The following TMEM131L variants were observed in gnomAD, a reference collection of about 807,000 sequenced individuals.
TMEM131L encodes the protein transmembrane 131 like.
TMEM131L carries 54 observed loss-of-function variants against 192.2 expected under a neutral mutation model. That is an observed-to-expected ratio of 0.28 (90% CI 0.23 to 0.35). The LOEUF (loss-of-function observed/expected upper bound fraction) is 0.35. TMEM131L is among the 10% of genes least tolerant of loss of function. The pLI is 1.00. For synonymous variants in TMEM131L, 701 were observed against 704.9 expected (o/e 0.99, Z 0.09); for missense variants, 1,888 against 1,972.9 (o/e 0.96, Z 0.82).
rs112750223 is a variant in TMEM131L, at chr4:153,587,329, T to TA, written c.1483-404dup. On this transcript the variant is annotated intron_variant, in intron 14 of 34. Coordinates refer to ENST00000409959, the MANE Select transcript of TMEM131L (RefSeq NM_001131007.2). The stretch of plus-strand genomic sequence containing the variant: ...GTTTCCCAGAGGATTAGAGTTCAAT[T>TA]AAAAAAAAACAAAACTTCTGACCAC... Among the ~76,000 whole-genome samples, 187 of 150,894 alleles carry TA rather than the reference T, an allele frequency of 1.2e-3. 3 individuals carry two copies. In the Middle Eastern group the frequency reaches 0.017, roughly 14 times the overall value.
In TMEM131L at chr4:153,634,306, C is replaced by T. The variant is rs548534499; in HGVS notation, c.4417+26C>T. On this transcript the variant is annotated intron_variant, in intron 33 of 34. Coordinates refer to ENST00000409959, the MANE Select transcript of TMEM131L (RefSeq NM_001131007.2). The stretch of plus-strand genomic sequence containing the variant: ...GTAAGGGCTCTTCAGACAATCCCAA[C>T]GCCATTATTTTATTCTTAGAAGGTC... The T allele has an allele frequency of 1.3e-4, 199 of 1,539,528 alleles. 1 individual carries two copies. In the East Asian group the frequency reaches 4.0e-3, roughly 31 times the overall value.
intron 3 of TMEM131L, among the ~76,000 whole-genome samples, chr4:153,490,613 G>A (rs574730730): frequency 5.3e-5 from 8 of 152,208 alleles, no homozygotes; most frequent in Admixed American, 1.3e-4. Context: ...TACTGGAAGG[G>A]CTCATGAAAG....
chr4:153,477,535 A>G (rs1731630321), intron 3 of TMEM131L, among the ~76,000 whole-genome samples: 2 of 152,174 alleles, frequency 1.3e-5, no homozygotes, highest in Admixed American at 1.3e-4. Context: ...ACATAGCATC[A>G]GATTATCAGA....
At chr4:153,504,018 G>C (rs1733791993) in intron 3 of TMEM131L, among the ~76,000 whole-genome samples, 1 of 152,156 alleles carries the variant, frequency 6.6e-6, no homozygotes, top group Middle Eastern at 3.2e-3. Context: ...CCAGGCTGGA[G>C]TGCAGTGGTG....
intron 7 of TMEM131L, chr4:153,558,606 C>G (rs1728640883): frequency 6.5e-6 from 2 of 308,580 alleles, no homozygotes; most frequent in Non-Finnish European, 1.2e-5. Flanking sequence ...CTGTTTTTCA[C>G]TGTTATTACC....
chr4:153,521,221 A>C (rs1735086464), intron 3 of TMEM131L, among the ~76,000 whole-genome samples: 1 of 152,204 alleles, frequency 6.6e-6, no homozygotes, highest in Non-Finnish European at 1.5e-5. Flanking sequence ...ATTCAGCACC[A>C]TCAGGGTGGT....
At chr4:153,547,496 G>A (rs11736782) in intron 3 of TMEM131L, among the ~76,000 whole-genome samples, 4 of 152,062 alleles carry the variant, frequency 2.6e-5, no homozygotes, top group Admixed American at 6.5e-5. Flanking sequence ...TAATATGAGC[G>A]AATATTTATT....
intron 3 of TMEM131L, among the ~76,000 whole-genome samples, chr4:153,479,811 A>C (rs1561115350): frequency 6.6e-6 from 1 of 152,264 alleles, no homozygotes; most frequent in Non-Finnish European, 1.5e-5. Flanking sequence ...ATACAATTGC[A>C]GACAAGAACA....
At chr4:153,549,503 A>T (rs1737446923) in intron 3 of TMEM131L, among the ~76,000 whole-genome samples, 1 of 152,034 alleles carries the variant, frequency 6.6e-6, no homozygotes, top group African/African-American at 2.4e-5. Context: ...ATATGTTTTG[A>T]TATGTTTTTC....
intron 27 of TMEM131L, 27 bp from the exon 28 acceptor site, chr4:153,621,656 T>G: frequency 1.2e-6 from 2 of 1,611,122 alleles, no homozygotes; most frequent in Non-Finnish European, 1.7e-6. Context: ...ACAGATGTGT[T>G]TTTTTGTGTG....
chr4:153,516,735 T>G (rs1467928018), intron 3 of TMEM131L, among the ~76,000 whole-genome samples: 2 of 152,192 alleles, frequency 1.3e-5, no homozygotes, highest in African/African-American at 2.4e-5. Flanking sequence ...AGTTATACCC[T>G]TATGCTAATG....
rs1328035994 is a variant in TMEM131L at position 153,582,420 on chromosome 4, GTTTTTTTTTGTTGTTTTT to G, written c.893-760_893-743del. 3.4e-4 allele frequency among the ~76,000 whole-genome samples: 28 copies of G among 81,834 alleles called. 2 individuals carry two copies. Among genetic ancestry groups the G allele is most frequent in the African/African-American group, 1.5e-3 (27 of 18,260 alleles). 53.7% of individuals were successfully genotyped at this position (81,834 alleles called of 152,430 possible). On this transcript the variant is annotated intron_variant, in intron 9 of 34. Coordinates refer to ENST00000409959, the MANE Select transcript of TMEM131L (RefSeq NM_001131007.2). The stretch of plus-strand genomic sequence containing the variant: ...CCACTATGCCTGGCTAATTTAAACC[GTTTTTTTTTGTTGTTTTT>G]TTTTTTTTTTTTTTTTTTTTTGTAG...
chr4:153,606,014 A>G (rs1455547111), intron 25 of TMEM131L, among the ~76,000 whole-genome samples: 2 of 152,208 alleles, frequency 1.3e-5, no homozygotes, highest in African/African-American at 2.4e-5. Context: ...CAGGGTGGAC[A>G]CTGTGCCCTG....
At chr4:153,531,447 C>T (rs1050380243) in intron 3 of TMEM131L, among the ~76,000 whole-genome samples, 4 of 152,170 alleles carry the variant, frequency 2.6e-5, no homozygotes, top group Non-Finnish European at 4.4e-5. Flanking sequence ...GGGATTAATC[C>T]TGTAAATACT....
chr4:153,603,897 A>G lies in TMEM131L; in HGVS notation c.2885A>G (p.Gln962Arg). 6.2e-7 allele frequency: 1 copy of G among 1,614,188 alleles called. No homozygotes were observed. Among genetic ancestry groups the G allele is most frequent in the Non-Finnish European group, 8.5e-7 (1 of 1,180,012 alleles). ...LPVNTPQSRI[Q>R]NAAKRSPATY... ...GTGAACACTCCCCAAAGCAGGATCC[A>G]GAATGCTGCAAAGAGGAGCCCAGCC... Residue 962 changes from glutamine to arginine, a missense_variant, in exon 25 of 35, where the codon CAG (glutamine) becomes CGG (arginine). By Grantham distance (43) the Gln-to-Arg change is conservative (BLOSUM62 1). Transcript: ENST00000409959.
intron 3 of TMEM131L, among the ~76,000 whole-genome samples, chr4:153,488,354 C>T (rs1477070735): frequency 1.3e-5 from 2 of 152,216 alleles, no homozygotes; most frequent in African/African-American, 4.8e-5. Context: ...ACTGCCCACC[C>T]CAAGGGGACT....
intron 3 of TMEM131L, among the ~76,000 whole-genome samples, chr4:153,534,314 A>T (rs1736143488): frequency 6.6e-6 from 1 of 152,258 alleles, no homozygotes; most frequent in Non-Finnish European, 1.5e-5. Context: ...AAGTGGAAAC[A>T]ACCGGTCAAG....
intron 3 of TMEM131L, among the ~76,000 whole-genome samples, chr4:153,526,148 C>T (rs1471786925): frequency 1.3e-5 from 2 of 152,140 alleles, no homozygotes; most frequent in Non-Finnish European, 2.9e-5. Context: ...TGAGCCACCA[C>T]ACCCAGCCTG....
At chr4:153,485,631 T>C (rs1186972242) in intron 3 of TMEM131L, among the ~76,000 whole-genome samples, 1 of 152,190 alleles carries the variant, frequency 6.6e-6, no homozygotes, top group African/African-American at 2.4e-5. Context: ...GCCACTAAAT[T>C]ATTTACAGTA....
Sources: gnomAD v4.1 joint callset for allele counts (sites outside exome capture counted in the v4.1 genomes callset) on GRCh38, gnomAD v4.1.1 for gene constraint, MANE v1.5 for transcripts, NCBI Gene and HGNC (gene_info 2026-07-23, HGNC 2026-07-21) for gene names.